The following BAALC variants were observed in gnomAD, a reference collection of about 807,000 sequenced individuals.
BAALC encodes the protein BAALC binder of MAP3K1 and KLF4.
Under a neutral mutation model 15.5 loss-of-function variants are expected in BAALC, and 9 were observed. The ratio of observed to expected loss-of-function variants is 0.58; its 90% confidence interval spans 0.35 to 1.02. BAALC has a LOEUF of 1.02. BAALC is among the 50% of genes least tolerant of loss of function. The pLI is 0.02. For synonymous variants in BAALC, 80 were observed against 74.6 expected (o/e 1.07, Z -0.37); for missense variants, 201 against 192.4 (o/e 1.04, Z -0.27).
At chr8:103,150,318 G>A (rs1228199812) in intron 1 of BAALC, among the ~76,000 whole-genome samples, 2 of 149,246 alleles carry the variant, frequency 1.3e-5, no homozygotes, top group African/African-American at 4.9e-5. Flanking sequence ...CCATATCATG[G>A]ATATAGAAAC....
chr8:103,169,822 G>C (rs1033693484), intron 1 of BAALC, among the ~76,000 whole-genome samples: 32 of 152,136 alleles, frequency 2.1e-4, no homozygotes, highest in African/African-American at 7.2e-4. Flanking sequence ...ACTTCTTTCA[G>C]GGTGAAGGAG....
chr8:103,200,690 C>G (rs1001760398), intron 1 of BAALC: 2 of 699,782 alleles, frequency 2.9e-6, no homozygotes, highest in Middle Eastern at 2.3e-4. Context: ...GATCAAGGCA[C>G]CAACAGATTC....
chr8:103,164,766 G>C (rs1411604871), intron 1 of BAALC, among the ~76,000 whole-genome samples: 1 of 152,110 alleles, frequency 6.6e-6, no homozygotes, highest in Non-Finnish European at 1.5e-5. Context: ...AGCCTCCCTA[G>C]GCCCTCCCCA....
intron 1 of BAALC, among the ~76,000 whole-genome samples, chr8:103,156,178 T>G (rs1186182805): frequency 1.3e-5 from 2 of 152,216 alleles, no homozygotes; most frequent in Non-Finnish European, 2.9e-5. Context: ...AGCATAGGAT[T>G]TGCAGTTACT....
chr8:103,143,346 G>A (rs1483745792), intron 1 of BAALC, among the ~76,000 whole-genome samples: 1 of 152,132 alleles, frequency 6.6e-6, no homozygotes, highest in African/African-American at 2.4e-5. Flanking sequence ...GCTGCTGGGG[G>A]ACACCTAACA....
chr8:103,168,651 A>G (rs925277391), intron 1 of BAALC, among the ~76,000 whole-genome samples: 5 of 152,038 alleles, frequency 3.3e-5, no homozygotes, highest in African/African-American at 1.2e-4. Context: ...AGTTTTCTGA[A>G]CTGCTCCAGT....
At chr8:103,171,617 C>G (rs976331126) in intron 1 of BAALC, among the ~76,000 whole-genome samples, 1 of 152,110 alleles carries the variant, frequency 6.6e-6, no homozygotes, top group African/African-American at 2.4e-5. Context: ...TGCCCTGGGG[C>G]TATAGCTTTT....
intron 1 of BAALC, among the ~76,000 whole-genome samples, chr8:103,196,274 TTTG>T (rs1812095011): frequency 6.6e-6 from 1 of 151,926 alleles, no homozygotes; most frequent in Non-Finnish European, 1.5e-5. Context: ...AGTTTTTGTT[TTTG>T]TTGTTATTGT....
Position 103,230,069 on chromosome 8 carries a change from T to C in BAALC, c.*1970T>C, listed in dbSNP as rs949223239. ...ACCTTAAGAAAGTGTCTCTGTTTTA[T>C]ATAGAAACACTTTCTCACTTACAGG... is the stretch of plus-strand genomic sequence containing the variant. On this transcript the variant is annotated 3_prime_UTR_variant, in exon 3 of 3. Coordinates refer to ENST00000309982, the MANE Select transcript of BAALC (RefSeq NM_024812.3). The C allele has an allele frequency of 6.6e-6, 1 of 152,186 alleles. No individual in the cohort carries two copies. The highest frequency in any genetic ancestry group is 1.5e-5 in the Non-Finnish European group (1 of 68,024). The allele number at this position is 152,186 out of a possible 1,614,324, so 9.4% of individuals were successfully genotyped here.
chr8:103,175,899 C>G (rs1811596682), intron 1 of BAALC, among the ~76,000 whole-genome samples: 1 of 152,184 alleles, frequency 6.6e-6, no homozygotes, highest in Non-Finnish European at 1.5e-5. Context: ...GTAGAACAGT[C>G]TCATGAGTTT....
intron 1 of BAALC, among the ~76,000 whole-genome samples, chr8:103,207,576 A>G (rs1331108002): frequency 6.6e-6 from 1 of 152,200 alleles, no homozygotes; most frequent in Non-Finnish European, 1.5e-5. Context: ...CTTTCCTGGT[A>G]GAGAGGGGAA....
chr8:103,210,788 C>G (rs367839035), intron 1 of BAALC, among the ~76,000 whole-genome samples: 3 of 152,142 alleles, frequency 2.0e-5, no homozygotes, highest in African/African-American at 7.2e-5. Context: ...AAGATGAAAA[C>G]CAGAAAAGAA....
At chr8:103,216,584 C>G (rs1339425062) in intron 2 of BAALC, among the ~76,000 whole-genome samples, 1 of 152,294 alleles carries the variant, frequency 6.6e-6, no homozygotes, top group East Asian at 1.9e-4. Context: ...AATGCCTGGG[C>G]TCAAGCACAG....
chr8:103,185,504 G>C (rs1212983124), intron 1 of BAALC, among the ~76,000 whole-genome samples: 1 of 152,152 alleles, frequency 6.6e-6, no homozygotes, highest in Non-Finnish European at 1.5e-5. Flanking sequence ...ATTTATCAAA[G>C]TATAAAGATA....
chr8:103,161,945 C>G (rs904144122), intron 1 of BAALC, among the ~76,000 whole-genome samples: 5 of 120,894 alleles, frequency 4.1e-5, no homozygotes, highest in African/African-American at 1.6e-4. Context: ...ATCTCTGGGC[C>G]TGTTCTTTGT....
rs1333771700 is a variant in BAALC, at chr8:103,200,687, G to T, written c.161-12232G>T. ...GGAGGCTGAGAAGTCCAAGATCAAG[G>T]CACCAACAGATTCAGTGTCTGATGA... On this transcript the variant is annotated intron_variant, in intron 1 of 2. Coordinates refer to ENST00000309982, the MANE Select transcript of BAALC (RefSeq NM_024812.3). 1.7e-5 allele frequency: 12 copies of T among 699,552 alleles called. No individual in the cohort carries two copies. The East Asian group carries it at 3.2e-4, about 19-fold the overall frequency. The allele number at this position is 699,552 out of a possible 1,614,324, so 43.3% of individuals were successfully genotyped here.
At chr8:103,226,722 CTTAG>C (rs896953916) in intron 2 of BAALC, among the ~76,000 whole-genome samples, 5 of 152,078 alleles carry the variant, frequency 3.3e-5, no homozygotes, top group Non-Finnish European at 7.4e-5. Flanking sequence ...TTGGTTTATC[CTTAG>C]TTAGAAGTAG....
intron 1 of BAALC, among the ~76,000 whole-genome samples, chr8:103,184,418 G>C (rs1489738080): frequency 6.6e-6 from 1 of 152,204 alleles, no homozygotes; most frequent in Non-Finnish European, 1.5e-5. Flanking sequence ...GATGAGATCT[G>C]CCATTCATTG....
chr8:103,146,188 G>GT (rs569018003), intron 1 of BAALC, among the ~76,000 whole-genome samples: 27 of 152,274 alleles, frequency 1.8e-4, no homozygotes, highest in South Asian at 1.5e-3. Flanking sequence ...GAACTAAGCA[G>GT]TTTTTTTCTG....
Sources: gnomAD v4.1 joint callset for allele counts (sites outside exome capture counted in the v4.1 genomes callset) on GRCh38, gnomAD v4.1.1 for gene constraint, MANE v1.5 for transcripts, NCBI Gene and HGNC (gene_info 2026-07-23, HGNC 2026-07-21) for gene names.